MAML3: variants seen among roughly 807,000 people sequenced by gnomAD.
The protein encoded by MAML3 is mastermind like transcriptional coactivator 3, also known as mastermind-like protein 3.
Under a neutral mutation model 101.9 loss-of-function variants are expected in MAML3, and 27 were observed. The ratio of observed to expected loss-of-function variants is 0.27; its 90% CI spans 0.20 to 0.37. The LOEUF (loss-of-function observed/expected upper bound fraction) is 0.37, where lower values mean the gene tolerates loss of function less well. Ranked by LOEUF, MAML3 falls within the 10% of genes least tolerant of loss-of-function variation. The pLI is 1.00. For synonymous variants in MAML3, 501 were observed against 555.9 expected (o/e 0.90, Z 1.39); for missense variants, 1,316 against 1,444.9 (o/e 0.91, Z 1.45).
intron 1 of MAML3, among the ~76,000 whole-genome samples, chr4:139,989,619 C>A (rs1297674867): frequency 6.6e-6 from 1 of 151,966 alleles, no homozygotes; most frequent in African/African-American, 2.4e-5. Flanking sequence ...GCTTCCTATC[C>A]CACATGCAAC....
chr4:139,787,981 AG>A (rs775732517), intron 2 of MAML3, among the ~76,000 whole-genome samples: 1 of 152,180 alleles, frequency 6.6e-6, no homozygotes, highest in Non-Finnish European at 1.5e-5. Context: ...TTTGGAAACC[AG>A]TGGGTTTTAA....
At chr4:139,837,750 T>C (rs1222330444) in intron 2 of MAML3, among the ~76,000 whole-genome samples, 4 of 151,746 alleles carry the variant, frequency 2.6e-5, no homozygotes, top group African/African-American at 9.7e-5. Flanking sequence ...TGAAGCCCTG[T>C]CTCTACTAAA....
intron 1 of MAML3, among the ~76,000 whole-genome samples, chr4:140,151,963 CA>C (rs1267774042): frequency 1.3e-5 from 2 of 152,158 alleles, no homozygotes; most frequent in Non-Finnish European, 2.9e-5. Flanking sequence ...GGCAGCGGGG[CA>C]GGGGGCGCCA....
intron 2 of MAML3, among the ~76,000 whole-genome samples, chr4:139,784,990 A>G (rs892187352): frequency 6.6e-6 from 1 of 152,230 alleles, no homozygotes; most frequent in South Asian, 2.1e-4. Context: ...GGTACTATGT[A>G]CATACCTTAT....
At chr4:139,909,152 G>A (rs1489754322) in intron 1 of MAML3, among the ~76,000 whole-genome samples, 2 of 152,144 alleles carry the variant, frequency 1.3e-5, no homozygotes, top group African/African-American at 4.8e-5. Flanking sequence ...TGATCACTCT[G>A]TTAAACTTTT....
chr4:139,990,730 A>C (rs527836564), intron 1 of MAML3, among the ~76,000 whole-genome samples: 11 of 152,236 alleles, frequency 7.2e-5, no homozygotes, highest in Admixed American at 2.0e-4. Context: ...AATGTACAAA[A>C]ATCACAAGCA....
chr4:139,943,086 T>C (rs1174275577), intron 1 of MAML3, among the ~76,000 whole-genome samples: 2 of 152,152 alleles, frequency 1.3e-5, no homozygotes, highest in Admixed American at 6.5e-5. Context: ...CTGACAAAAA[T>C]TTAAAGAATG....
At chr4:139,851,528 C>G (rs913164849) in intron 2 of MAML3, among the ~76,000 whole-genome samples, 4 of 152,230 alleles carry the variant, frequency 2.6e-5, no homozygotes, top group African/African-American at 9.6e-5. Flanking sequence ...TTTCTCTTTT[C>G]AAACAATGAC....
At position 139,977,339 on chromosome 4, in the gene MAML3, T is replaced by C. The variant is rs189457484; in HGVS notation, c.469-86372A>G. On this transcript the variant is annotated intron_variant, in intron 1 of 4. Transcript: ENST00000509479. ...CAGAGAAGAATCTAATTTAAAATGC[T>C]GATAGTGCCGAGGGTGAGAAACTCT... Among the ~76,000 whole-genome samples the C allele has an allele frequency of 3.8e-4, 58 of 152,282 alleles. 1 individual carries two copies. Among genetic ancestry groups the C allele is most frequent in the Admixed American group, 1.9e-3 (29 of 15,306 alleles).
intron 2 of MAML3, among the ~76,000 whole-genome samples, chr4:139,770,235 G>A (rs542521646): frequency 6.6e-6 from 1 of 152,166 alleles, no homozygotes; most frequent in African/African-American, 2.4e-5. Context: ...CCCAGCCAAG[G>A]CTCCTTGTCT....
At chr4:139,848,695 T>G (rs1301031935) in intron 2 of MAML3, among the ~76,000 whole-genome samples, 1 of 152,194 alleles carries the variant, frequency 6.6e-6, no homozygotes, top group African/African-American at 2.4e-5. Context: ...ACGTCTTATA[T>G]AAATAAACAC....
chr4:139,743,911 C>T (rs1168315743), intron 2 of MAML3, among the ~76,000 whole-genome samples: 1 of 152,166 alleles, frequency 6.6e-6, no homozygotes, highest in East Asian at 1.9e-4. Context: ...TCCTCATGTA[C>T]ATTCATGTAC....
At chr4:139,862,485 C>T (rs1443298559) in intron 2 of MAML3, among the ~76,000 whole-genome samples, 1 of 152,178 alleles carries the variant, frequency 6.6e-6, no homozygotes, top group Non-Finnish European at 1.5e-5. Flanking sequence ...GACAAACTTC[C>T]ACATCCTTTG....
Position 140,037,544 on chromosome 4 carries a change from T to A in MAML3, c.468+115316A>T, listed in dbSNP as rs78637218. ...AATGCCCTATGTCTACAAGATTCCA[T>A]CTAAGTAGAGCATGTCTCCCACAAT... On this transcript the variant is annotated intron_variant, in intron 1 of 4. Transcript: ENST00000509479. Among the ~76,000 whole-genome samples the A allele has an allele frequency of 2.4e-3, 370 of 152,320 alleles. 3 individuals are homozygous for A. The highest frequency in any genetic ancestry group is 8.4e-3 in the African/African-American group (348 of 41,562).
Position 139,717,122 on chromosome 4 carries a change from T to G in MAML3, c.*2201A>C, listed in dbSNP as rs891610942. The G allele has an allele frequency of 6.6e-6, 1 of 152,498 alleles. No homozygotes were observed. The highest frequency in any genetic ancestry group is 2.1e-4 in the South Asian group (1 of 4,826). The allele number at this position is 152,498 out of a possible 1,614,324, so 9.4% of individuals were successfully genotyped here. A position where few individuals can be genotyped will look rare whatever the true frequency, so the allele number is the denominator to read the frequency against. Reference sequence around the variant, plus strand: ...TTGTAAAAACTTATGTACAAATAACTTTTTTTAGACATTACATATACATCA... The same window carrying G: ...TTGTAAAAACTTATGTACAAATAACGTTTTTTAGACATTACATATACATCA... On this transcript the variant is annotated 3_prime_UTR_variant, in exon 5 of 5. Coordinates refer to ENST00000509479, the MANE Select transcript of MAML3 (RefSeq NM_018717.5).
intron 2 of MAML3, among the ~76,000 whole-genome samples, chr4:139,830,413 T>A (rs1731140670): frequency 7.1e-6 from 1 of 140,180 alleles, no homozygotes; most frequent in Non-Finnish European, 1.6e-5. Context: ...CTGTGCTATT[T>A]TTTTTTTTTT....
intron 1 of MAML3, among the ~76,000 whole-genome samples, chr4:139,938,226 T>A (rs750896675): frequency 6.6e-6 from 1 of 152,208 alleles, no homozygotes; most frequent in Non-Finnish European, 1.5e-5. Flanking sequence ...TGATCAATAC[T>A]AAGGACTGGG....
chr4:139,769,916 CTTTT>C (rs139445743), intron 2 of MAML3, among the ~76,000 whole-genome samples: 42 of 132,232 alleles, frequency 3.2e-4, no homozygotes, highest in Non-Finnish European at 2.9e-4. Context: ...CGCCCAGCCT[CTTTT>C]TTTTTTTTTT....
Position 139,889,726 on chromosome 4 carries a change from G to T in MAML3, c.1710C>A (p.Leu570=). ...TGATCATATTCATGTGATTCTGAGG[G>T]AGGTAGTTATTCATTGTTGTCTTCT... ...NLQKTTMNNY[L]PQNHMNMINQ... Residue 570 remains leucine, a synonymous_variant, in exon 2 of 5, where the codon CTC becomes CTA. Transcript: ENST00000509479. 1 of 1,614,018 alleles carries T rather than the reference G, an allele frequency of 6.2e-7. No individual in the cohort carries two copies.
Sources: gnomAD v4.1 joint callset for allele counts (sites outside exome capture counted in the v4.1 genomes callset) on GRCh38, gnomAD v4.1.1 for gene constraint, MANE v1.5 for transcripts, NCBI Gene and HGNC (gene_info 2026-07-23, HGNC 2026-07-21) for gene names.